The following TAOK3 variants were observed in gnomAD, a reference collection of about 807,000 sequenced individuals.
The protein encoded by TAOK3 is TAO kinase 3.
A neutral mutation model predicts 120.4 loss-of-function variants in TAOK3; 40 were observed. The ratio of observed to expected loss-of-function variants is 0.33; its 90% confidence interval spans 0.26 to 0.43. The LOEUF is 0.43. TAOK3 is among the 20% of genes least tolerant of loss of function. The pLI is 1.00. For synonymous variants in TAOK3, 355 were observed against 387.5 expected (o/e 0.92, Z 0.99); for missense variants, 821 against 1,112.1 (o/e 0.74, Z 3.72).
At chr12:118,233,003 A>C (rs909125306) in intron 9 of TAOK3, among the ~76,000 whole-genome samples, 2 of 152,140 alleles carry the variant, frequency 1.3e-5, no homozygotes, top group African/African-American at 4.8e-5. Flanking sequence ...GAACCAACCC[A>C]AATGTCCAAC....
chr12:118,235,500 T>C (rs1462064489), intron 8 of TAOK3, 58 bp downstream of exon 8: 5 of 1,350,690 alleles, frequency 3.7e-6, no homozygotes, highest in East Asian at 2.3e-5. Flanking sequence ...ACCAGCACCA[T>C]AGTTGAGTTC....
chr12:118,326,516 A>G (rs1469233297), intron 1 of TAOK3, among the ~76,000 whole-genome samples: 2 of 151,124 alleles, frequency 1.3e-5, no homozygotes, highest in East Asian at 4.1e-4. Context: ...TGCATTTTTT[A>G]TAGAAAAGAA....
intron 2 of TAOK3, among the ~76,000 whole-genome samples, chr12:118,263,765 C>A (rs529823378): frequency 3.9e-4 from 60 of 152,276 alleles, no homozygotes; most frequent in African/African-American, 1.4e-3. Flanking sequence ...TAGGGAGATG[C>A]AAATGAAAAC....
chr12:118,371,688 G>C lies in TAOK3; in HGVS notation c.-194+960C>G, dbSNP rs2045898712. ...AGGCTCCCCGCCGCAGCCGTTCTTG[G>C]GGGGGCTCCCGCAACTCAGCGGGCG... is the stretch of plus-strand genomic sequence containing the variant. On this transcript the variant is annotated intron_variant, in intron 1 of 20. Coordinates refer to ENST00000392533, the MANE Select transcript of TAOK3 (RefSeq NM_016281.4). The surrounding 1 kb of genome is among the most constrained non-coding windows in gnomAD (Gnocchi z 5.5). 6.6e-6 allele frequency among the ~76,000 whole-genome samples: 1 copy of C among 152,038 alleles called. No homozygotes were observed. Among genetic ancestry groups the C allele is most frequent in the Non-Finnish European group, 1.5e-5 (1 of 67,968 alleles).
At chr12:118,189,519 AAC>A (rs1175917008) in intron 14 of TAOK3, among the ~76,000 whole-genome samples, 1 of 135,060 alleles carries the variant, frequency 7.4e-6, no homozygotes, top group Non-Finnish European at 1.6e-5. Context: ...AGCATATACA[AAC>A]ACACACAGAC....
At chr12:118,235,494 G>A in intron 8 of TAOK3, 64 bp downstream of exon 8, 3 of 1,301,970 alleles carry the variant, frequency 2.3e-6, no homozygotes, top group Non-Finnish European at 3.3e-6. Context: ...AGCCAAACCA[G>A]CACCATAGTT....
intron 8 of TAOK3, 115 bp from the exon 9 acceptor site, chr12:118,233,880 G>T: frequency 1.5e-6 from 1 of 672,262 alleles, no homozygotes; most frequent in Non-Finnish European, 2.6e-6. Context: ...ATCTGATATA[G>T]ATATTATTTC....
chr12:118,297,013 A>G (rs1023689873), intron 1 of TAOK3: 1 of 152,178 alleles, frequency 6.6e-6, no homozygotes, highest in Non-Finnish European at 1.5e-5. Context: ...GTATGGCTTC[A>G]TACCCTGAAG....
chr12:118,177,162 T>C lies in TAOK3; in HGVS notation c.1695+39A>G, dbSNP rs374540306. 5.0e-6 allele frequency: 8 copies of C among 1,603,560 alleles called. No homozygotes were observed. In the African/African-American group the frequency reaches 8.0e-5, roughly 16 times the overall value. ...AGTGAATGTTAAGTTCCAACCATTC[T>C]AATGGCAACTTGGTGAGAACAAACA... On this transcript the variant is annotated intron_variant, in intron 16 of 20. Transcript: ENST00000392533.
At chr12:118,299,690 A>T (rs2042807874) in intron 1 of TAOK3, among the ~76,000 whole-genome samples, 1 of 152,088 alleles carries the variant, frequency 6.6e-6, no homozygotes, top group Admixed American at 6.6e-5. Context: ...TTGTATTTCT[A>T]GTAGAGACGG....
intron 9 of TAOK3, among the ~76,000 whole-genome samples, chr12:118,218,391 C>A (rs371571401): frequency 6.6e-6 from 1 of 152,038 alleles, no homozygotes; most frequent in South Asian, 2.1e-4. Context: ...CCCGTTCCCC[C>A]CTGCATATAC....
chr12:118,179,562 C>T (rs61943538), intron 15 of TAOK3, among the ~76,000 whole-genome samples: 15,367 of 151,110 alleles, frequency 0.1, 976 homozygotes, highest in Middle Eastern at 0.15. Flanking sequence ...CAAACCTGCA[C>T]GTTGTGCACA....
intron 1 of TAOK3, among the ~76,000 whole-genome samples, chr12:118,324,413 T>C (rs1004877595): frequency 5.9e-5 from 9 of 152,328 alleles, no homozygotes; most frequent in African/African-American, 1.9e-4. Flanking sequence ...TTAATTATTT[T>C]AAAATATCCA....
In TAOK3 at chr12:118,150,666, CT is replaced by C. The variant is rs1351219924; in HGVS notation, c.*330del. On this transcript the variant is annotated 3_prime_UTR_variant, in exon 21 of 21. Coordinates refer to ENST00000392533, the MANE Select transcript of TAOK3 (RefSeq NM_016281.4). ...GATTGCTTAAAGCAATATACATCCA[CT>C]TTTTTTGTTGTTGGTTTATTGGTTT... 3.0e-5 allele frequency: 6 copies of C among 201,652 alleles called. No homozygotes were observed. Among genetic ancestry groups the C allele is most frequent in the Non-Finnish European group, 6.0e-5 (6 of 99,682 alleles). 12.5% of individuals were successfully genotyped at this position (201,652 alleles called of 1,614,324 possible). A position where few individuals can be genotyped will look rare whatever the true frequency, so the allele number is the denominator to read the frequency against.
At chr12:118,370,793 C>T (rs2045872047) in intron 1 of TAOK3, among the ~76,000 whole-genome samples, 1 of 152,116 alleles carries the variant, frequency 6.6e-6, no homozygotes. Flanking sequence ...CCAACTCCCA[C>T]CCCCTATTGC....
chr12:118,207,841 C>T (rs1030617743), intron 11 of TAOK3, among the ~76,000 whole-genome samples: 17 of 140,388 alleles, frequency 1.2e-4, no homozygotes, highest in East Asian at 2.1e-4. Context: ...GCCTGGGCAA[C>T]GGCGCGAGAC....
At position 118,160,451 on chromosome 12, in the gene TAOK3, GTC is replaced by G. The variant is rs947016598; in HGVS notation, c.2140-95_2140-94del. ...ATGATATAATACAAGTGCTGAGAGC[GTC>G]TGTTTTTTGGTGCAGTGACTCACAT... On this transcript the variant is annotated intron_variant, in intron 18 of 20. Transcript: ENST00000392533. This position sits in a 1 kb window ranked among gnomAD's most constrained non-coding sequence, Gnocchi z 4.2. The G allele has an allele frequency of 7.3e-6, 8 of 1,102,648 alleles. No individual in the cohort carries two copies. The African/African-American group carries it at 9.4e-5, about 13-fold the overall frequency. The allele number at this position is 1,102,648 out of a possible 1,614,324, so 68.3% of individuals were successfully genotyped here. A position where few individuals can be genotyped will look rare whatever the true frequency, so the allele number is the denominator to read the frequency against.
intron 1 of TAOK3, among the ~76,000 whole-genome samples, chr12:118,345,159 G>A (rs766320386): frequency 5.9e-5 from 9 of 152,134 alleles, no homozygotes; most frequent in Non-Finnish European, 1.0e-4. Context: ...TAAATTTGAA[G>A]TAAGACTTTT....
At chr12:118,368,853 T>G (rs1370733994) in intron 1 of TAOK3, among the ~76,000 whole-genome samples, 1 of 134,702 alleles carries the variant, frequency 7.4e-6, no homozygotes, top group Non-Finnish European at 1.6e-5. Context: ...AAAAAGAAAA[T>G]AAAAAGTTTA....
Sources: allele counts gnomAD v4.1 joint callset (sites outside exome capture counted in the v4.1 genomes callset), GRCh38; gene constraint gnomAD v4.1.1; non-coding constraint Gnocchi (gnomAD v3.1); transcripts MANE v1.5; gene names NCBI Gene and HGNC (gene_info 2026-07-23, HGNC 2026-07-21).